The following HDAC4 variants were observed in gnomAD, a reference collection of about 807,000 sequenced individuals.
HDAC4 encodes the protein histone deacetylase 4, also known as histone deacetylase A.
HDAC4 carries 16 observed loss-of-function variants against 135.1 expected under a neutral mutation model. That is an observed-to-expected ratio of 0.12 (90% CI 0.08 to 0.18). The LOEUF (loss-of-function observed/expected upper bound fraction) is 0.18, where lower values mean the gene tolerates loss of function less well. HDAC4 is among the 10% of genes least tolerant of loss of function. HDAC4 has a pLI of 1.00. For synonymous variants in HDAC4, 685 were observed against 653.4 expected, an observed-to-expected ratio of 1.05 and a Z score of -0.74; for missense variants, 1,143 against 1,511.8, an observed-to-expected ratio of 0.76 and a Z score of 4.05.
Position 239,068,530 on chromosome 2 carries a change from C to T in HDAC4, c.2828G>A (p.Gly943Asp). 2.5e-6 allele frequency: 4 copies of T among 1,613,990 alleles called. No homozygotes were observed. Among genetic ancestry groups the T allele is most frequent in the Non-Finnish European group, 3.4e-6 (4 of 1,179,990 alleles). The change falls in exon 23 of 27, where the codon GGC (glycine) becomes GAC (aspartate). Residue 943 changes from glycine to aspartate, a missense_variant. Physicochemically the swap from Gly to Asp is moderately conservative, Grantham distance 94. Coordinates refer to ENST00000543185, the MANE Select transcript of HDAC4 (RefSeq NM_001378414.1). The surrounding 1 kb of genome is among the most constrained non-coding windows in gnomAD (Gnocchi z 4.4). ...LVSSGFDAVE[G>D]HPTPLGGYNL... ...GTAGCCCCCAAGAGGGGTGGGGTGGCCCTCCACGGCATCGAAGCCTGATGA... is the reference window on the plus strand; with the variant it reads ...GTAGCCCCCAAGAGGGGTGGGGTGGTCCTCCACGGCATCGAAGCCTGATGA...
chr2:239,362,231 A>T (rs967536325), intron 1 of HDAC4, among the ~76,000 whole-genome samples: 5 of 152,172 alleles, frequency 3.3e-5, no homozygotes, highest in African/African-American at 1.2e-4. Flanking sequence ...ACATAAAGAC[A>T]TCTCTCTCTT....
chr2:239,082,533 G>A (rs1173281402), intron 20 of HDAC4, among the ~76,000 whole-genome samples: 1 of 152,208 alleles, frequency 6.6e-6, no homozygotes, highest in Non-Finnish European at 1.5e-5. Context: ...AGGCCTAGAG[G>A]CCACCATTTC....
intron 1 of HDAC4, among the ~76,000 whole-genome samples, chr2:239,380,193 A>G (rs191893738): frequency 1.7e-4 from 26 of 152,378 alleles, no homozygotes; most frequent in African/African-American, 6.3e-4. Context: ...CCAGAGGAAT[A>G]AGAAGAAATC....
At chr2:239,110,663 G>C (rs1231765050) in intron 14 of HDAC4, among the ~76,000 whole-genome samples, 2 of 152,248 alleles carry the variant, frequency 1.3e-5, no homozygotes, top group Non-Finnish European at 2.9e-5. Context: ...AGAATCATCT[G>C]AAGAATGAAG....
chr2:239,213,206 C>A (rs2046435927), intron 3 of HDAC4, among the ~76,000 whole-genome samples: 1 of 133,682 alleles, frequency 7.5e-6, no homozygotes, highest in African/African-American at 2.8e-5. Context: ...CTCATCAGTC[C>A]CATAACAGCA....
chr2:239,400,159 G>A lies in HDAC4; in HGVS notation c.-220+819C>T, dbSNP rs555691970. Among the ~76,000 whole-genome samples the A allele has an allele frequency of 1.3e-5, 2 of 151,768 alleles. No individual in the cohort carries two copies. The highest frequency in any genetic ancestry group is 6.6e-5 in the Admixed American group (1 of 15,238). ...GACCGGGCCCCGTCTCGGCCTGCTG[G>A]CGCCCTGCGGGCTGAGCCGAGCGGG... is the stretch of plus-strand genomic sequence containing the variant. On this transcript the variant is annotated intron_variant, in intron 1 of 26. Transcript: ENST00000543185. The surrounding 1 kb of genome is among the most constrained non-coding windows in gnomAD (Gnocchi z 4.7).
intron 1 of HDAC4, among the ~76,000 whole-genome samples, chr2:239,369,834 G>A (rs1177238963): frequency 6.6e-6 from 1 of 152,192 alleles, no homozygotes. Context: ...GAGCTTAAAG[G>A]AGCTGAGGAC....
intron 15 of HDAC4, among the ~76,000 whole-genome samples, chr2:239,106,004 C>T (rs1040103977): frequency 6.6e-5 from 10 of 152,288 alleles, no homozygotes; most frequent in East Asian, 3.9e-4. Flanking sequence ...TGGCCTCCAC[C>T]GCCTCTGTGG....
chr2:239,080,741 G>T (rs1410996194), intron 22 of HDAC4, among the ~76,000 whole-genome samples: 1 of 152,218 alleles, frequency 6.6e-6, no homozygotes, highest in Non-Finnish European at 1.5e-5. Flanking sequence ...TGCGGAAGAA[G>T]AATTAGGAGA....
intron 6 of HDAC4, among the ~76,000 whole-genome samples, chr2:239,162,664 G>A (rs971230260): frequency 6.6e-6 from 1 of 152,158 alleles, no homozygotes; most frequent in Non-Finnish European, 1.5e-5. Context: ...TTGCAAGTTT[G>A]TGTGTCCCTG....
At chr2:239,393,479 C>G (rs1377841547) in intron 1 of HDAC4, among the ~76,000 whole-genome samples, 2 of 152,224 alleles carry the variant, frequency 1.3e-5, no homozygotes, top group African/African-American at 4.8e-5. Context: ...CCCGGCTCAT[C>G]ACTGGCTCAC....
chr2:239,377,387 G>A (rs1695086551), intron 1 of HDAC4, among the ~76,000 whole-genome samples: 1 of 152,328 alleles, frequency 6.6e-6, no homozygotes. Context: ...TTGCCAGCAT[G>A]AGAGGCCTGC....
intron 2 of HDAC4, among the ~76,000 whole-genome samples, chr2:239,281,710 CCCACTCTACAATGAACACA>C (rs1559322948): frequency 7.4e-6 from 1 of 135,304 alleles, no homozygotes; most frequent in African/African-American, 2.8e-5. Context: ...CAGTGTACAC[CCCACTCTACAATGAACACA>C]CCACTCTACA....
rs971436502 is a variant in HDAC4, at chr2:239,189,844, C to T, written c.328G>A (p.Glu110Lys). The T allele has an allele frequency of 3.1e-6, 5 of 1,606,928 alleles. No homozygotes were observed. The highest frequency in any genetic ancestry group is 2.2e-5 in the East Asian group (1 of 44,834). ...LSRQHEAQLH[E>K]HIKQQQEMLA... is the part of the protein sequence containing the mutation. Reference sequence around the variant, plus strand: ...GCACCGCGCCTCACCTTGATGTGCTCGTGGAGCTGCGCCTCGTGCTGCCGG... The same window carrying T: ...GCACCGCGCCTCACCTTGATGTGCTTGTGGAGCTGCGCCTCGTGCTGCCGG... Residue 110 changes from glutamate to lysine, a missense_variant, in exon 4 of 27, where the codon GAG becomes AAG. Transcript: ENST00000543185.
chr2:239,129,902 TG>T (rs2040451338), intron 11 of HDAC4, among the ~76,000 whole-genome samples: 1 of 152,140 alleles, frequency 6.6e-6, no homozygotes, highest in Non-Finnish European at 1.5e-5. Flanking sequence ...CCACCAGGTA[TG>T]GGGATTTAAG....
intron 2 of HDAC4, among the ~76,000 whole-genome samples, chr2:239,292,019 G>C (rs956886436): frequency 6.6e-6 from 1 of 151,622 alleles, no homozygotes; most frequent in Non-Finnish European, 1.5e-5. Context: ...GGGGCTGCGC[G>C]CACGGCCCAG....
rs1202038044 is a variant in HDAC4 at position 239,195,848 on chromosome 2, G to A, written c.95-5771C>T. On this transcript the variant is annotated intron_variant, in intron 3 of 26. Coordinates refer to ENST00000543185, the MANE Select transcript of HDAC4 (RefSeq NM_001378414.1). ...TCCAATGGGAGACGGTCAGTGTGCT[G>A]TGAATGAATTCTCAATCACAAACAG... Among the ~76,000 whole-genome samples the A allele has an allele frequency of 2.0e-5, 3 of 152,214 alleles. No individual in the cohort carries two copies. The East Asian group carries it at 5.8e-4, about 29-fold the overall frequency.
At position 239,141,085 on chromosome 2, in the gene HDAC4, G is replaced by GGA; in HGVS notation, c.866-1291_866-1290dup. 3.6e-6 allele frequency: 1 copy of GGA among 277,634 alleles called. No homozygotes were observed. Among genetic ancestry groups the GGA allele is most frequent in the Non-Finnish European group, 7.9e-6 (1 of 126,560 alleles). 17.2% of individuals were successfully genotyped at this position (277,634 alleles called of 1,614,324 possible). ...CATTATGACCCCGTTTCCCAGAAGA[G>GGA]GAGATGGAGGCATGGAGCAGCAACA... is the stretch of plus-strand genomic sequence containing the variant. On this transcript the variant is annotated intron_variant, in intron 8 of 26. Coordinates refer to ENST00000543185, the MANE Select transcript of HDAC4 (RefSeq NM_001378414.1). This position sits in a 1 kb window ranked among gnomAD's most constrained non-coding sequence, Gnocchi z 4.9.
chr2:239,116,436 A>G (rs2039140125), intron 12 of HDAC4, among the ~76,000 whole-genome samples: 1 of 152,222 alleles, frequency 6.6e-6, no homozygotes, highest in Non-Finnish European at 1.5e-5. Context: ...CTGTCCGCCA[A>G]GCACTGCCCA....
Sources: gnomAD v4.1 joint callset for allele counts (sites outside exome capture counted in the v4.1 genomes callset) on GRCh38, gnomAD v4.1.1 for gene constraint, Gnocchi (gnomAD v3.1) non-coding constraint, MANE v1.5 for transcripts, NCBI Gene and HGNC (gene_info 2026-07-23, HGNC 2026-07-21) for gene names.